The following RXRG variants were observed in gnomAD, a reference collection of about 807,000 sequenced individuals.
RXRG encodes the protein retinoic acid receptor RXR-gamma.
RXRG carries 19 observed loss-of-function variants against 49.2 expected under a neutral mutation model. The ratio of observed to expected loss-of-function variants is 0.39; its 90% confidence interval spans 0.27 to 0.57. The LOEUF is 0.57. Ranked by LOEUF, RXRG falls within the 20% of genes least tolerant of loss-of-function variation. The pLI, the probability that RXRG is intolerant of heterozygous loss-of-function variation, is 0.64. For missense variants in RXRG, 452 were observed against 592.5 expected, an observed-to-expected ratio of 0.76 and a Z score of 2.46; for synonymous variants, 224 against 216.6, an observed-to-expected ratio of 1.03 and a Z score of -0.30.
chr1:165,410,820 A>G lies in RXRG; in HGVS notation c.795T>C (p.Pro265=), dbSNP rs760289007. 2 of 1,614,222 alleles carry G rather than the reference A, an allele frequency of 1.2e-6. No individual in the cohort carries two copies. The highest frequency in any genetic ancestry group is 1.7e-6 in the Non-Finnish European group (2 of 1,180,018). Residue 265 remains proline (P), a synonymous_variant, in exon 6 of 10, where the codon CCT becomes CCC. Coordinates refer to ENST00000359842, the MANE Select transcript of RXRG (RefSeq NM_006917.5). ...DMNMENSTND[P]VTNICHAADK... is the part of the protein sequence containing the mutation. Reference sequence around the variant, plus strand: ...CAGCAGCATGACATATGTTGGTAACAGGGTCATTTGTCTGAAAAAGGAACA... The same window carrying G: ...CAGCAGCATGACATATGTTGGTAACGGGGTCATTTGTCTGAAAAAGGAACA...
At chr1:165,402,415 T>C (rs1369654146) in intron 9 of RXRG, among the ~76,000 whole-genome samples, 1 of 148,626 alleles carries the variant, frequency 6.7e-6, no homozygotes, top group East Asian at 2.0e-4. Flanking sequence ...GATCAACTTA[T>C]TAGTCTATGC....
At position 165,410,754 on chromosome 1, in the gene RXRG, A is replaced by T. The variant is rs751771643; in HGVS notation, c.861T>A (p.Ile287=). The change falls in exon 6 of 10, where the codon ATT becomes ATA. Residue 287 remains isoleucine, a synonymous_variant. Coordinates refer to ENST00000359842, the MANE Select transcript of RXRG (RefSeq NM_006917.5). Reference sequence around the variant, plus strand: ...CCAAGGTGAGGTCAGAGAAGTGGGGAATACGCTTGGCCCATTCAACGAGGG... The same window carrying T: ...CCAAGGTGAGGTCAGAGAAGTGGGGTATACGCTTGGCCCATTCAACGAGGG... The part of the protein sequence containing the change: ...LFTLVEWAKR[I]PHFSDLTLED... The T allele has an allele frequency of 3.1e-6, 5 of 1,614,030 alleles. No homozygotes were observed. The highest frequency in any genetic ancestry group is 2.5e-6 in the Non-Finnish European group (3 of 1,180,028).
chr1:165,440,178 G>A (rs980652560), intron 1 of RXRG, among the ~76,000 whole-genome samples: 3 of 152,286 alleles, frequency 2.0e-5, no homozygotes, highest in Admixed American at 2.0e-4. Flanking sequence ...TGGTAGAGCT[G>A]GGATTAAAAT....
intron 9 of RXRG, among the ~76,000 whole-genome samples, chr1:165,404,488 C>T (rs1386853971): frequency 1.3e-5 from 2 of 152,140 alleles, no homozygotes; most frequent in African/African-American, 2.4e-5. Flanking sequence ...TGACTAAATA[C>T]ATTAGGATAT....
intron 2 of RXRG, among the ~76,000 whole-genome samples, chr1:165,421,284 T>A (rs896071202): frequency 2.0e-5 from 3 of 152,232 alleles, no homozygotes; most frequent in South Asian, 2.1e-4. Context: ...TGTTAATTTT[T>A]AAAAATTAAT....
chr1:165,435,836 T>G (rs1472270156), intron 1 of RXRG, among the ~76,000 whole-genome samples: 1 of 152,184 alleles, frequency 6.6e-6, no homozygotes, highest in African/African-American at 2.4e-5. Flanking sequence ...TTGGCACACT[T>G]TTTCTTTCCA....
intron 2 of RXRG, chr1:165,425,107 T>C (rs1260646029): frequency 5.4e-6 from 1 of 183,538 alleles, no homozygotes; most frequent in Non-Finnish European, 1.0e-5. Context: ...CCCCAATCCC[T>C]CTGTACAGAC....
chr1:165,423,646 G>A (rs969941153), intron 2 of RXRG, among the ~76,000 whole-genome samples: 1 of 140,656 alleles, frequency 7.1e-6, no homozygotes, highest in Non-Finnish European at 1.5e-5. Context: ...TCCTAATCAG[G>A]TCACTTCACT....
intron 1 of RXRG, among the ~76,000 whole-genome samples, chr1:165,432,262 G>A (rs1658694302): frequency 6.6e-6 from 1 of 152,098 alleles, no homozygotes. Flanking sequence ...GTTAAAGTTT[G>A]GTTCTCAATG....
intron 9 of RXRG, among the ~76,000 whole-genome samples, chr1:165,402,067 A>C (rs1657591665): frequency 6.6e-6 from 1 of 151,566 alleles, no homozygotes; most frequent in Admixed American, 6.6e-5. Context: ...TTTTGTTGCC[A>C]ATTTGTAACC....
chr1:165,436,966 A>G (rs1658834473), intron 1 of RXRG: 2 of 1,132,588 alleles, frequency 1.8e-6, no homozygotes, highest in South Asian at 4.0e-5. Context: ...AGCATTTACA[A>G]GATGTCAGAG....
In RXRG at chr1:165,407,012, C is replaced by A; in HGVS notation, c.1139-95G>T. On this transcript the variant is annotated intron_variant, in intron 8 of 9. Transcript: ENST00000359842. The stretch of plus-strand genomic sequence containing the variant: ...CCACTCTCTGTAGAGTTACTAGAGA[C>A]ACCCTGGATGGGGACAAGTGTGAAA... 5 of 812,832 alleles carry A rather than the reference C, an allele frequency of 6.2e-6. No homozygotes were observed. In the South Asian group the frequency reaches 7.7e-5, roughly 12 times the overall value. 50.4% of individuals were successfully genotyped at this position (812,832 alleles called of 1,614,324 possible).
intron 1 of RXRG, among the ~76,000 whole-genome samples, chr1:165,439,542 A>G (rs898626118): frequency 2.0e-5 from 3 of 152,234 alleles, no homozygotes; most frequent in African/African-American, 7.2e-5. Flanking sequence ...GCATGCTTTC[A>G]TTCTCACATT....
intron 1 of RXRG, among the ~76,000 whole-genome samples, chr1:165,437,975 A>G (rs1332676413): frequency 6.6e-6 from 1 of 152,242 alleles, no homozygotes; most frequent in Non-Finnish European, 1.5e-5. Context: ...GATCTATAAT[A>G]ATTTGCAGCA....
At chr1:165,429,845 TC>T (rs944121439) in intron 1 of RXRG, among the ~76,000 whole-genome samples, 1 of 151,882 alleles carries the variant, frequency 6.6e-6, no homozygotes, top group Non-Finnish European at 1.5e-5. Flanking sequence ...GAACCCACAT[TC>T]CCCTGTAGTC....
intron 1 of RXRG, among the ~76,000 whole-genome samples, chr1:165,441,259 T>C (rs750187287): frequency 6.6e-6 from 1 of 152,256 alleles, no homozygotes; most frequent in Non-Finnish European, 1.5e-5. Flanking sequence ...CCATGGCTTA[T>C]TCCTCAATGG....
chr1:165,423,907 C>A (rs761891420), intron 2 of RXRG, among the ~76,000 whole-genome samples: 4 of 152,052 alleles, frequency 2.6e-5, no homozygotes, highest in Non-Finnish European at 4.4e-5. Context: ...TATTTATTTT[C>A]TATGAAAATG....
chr1:165,401,523 C>A, intron 9 of RXRG, 113 bp from the exon 10 acceptor site: 1 of 1,166,074 alleles, frequency 8.6e-7, no homozygotes, highest in South Asian at 1.3e-5. Flanking sequence ...GATAAAAGAG[C>A]TGGAAGGGTA....
Position 165,408,366 on chromosome 1 carries a change from C to T in RXRG, c.1047-48G>A, listed in dbSNP as rs116521297. ...TAATGAGAAAACCGTAAGTAACAGG[C>T]CAAGAGCCAATAAAATGAATTCAAC... On this transcript the variant is annotated intron_variant, in intron 7 of 9. Coordinates refer to ENST00000359842, the MANE Select transcript of RXRG (RefSeq NM_006917.5). The T allele has an allele frequency of 3.0e-3, 4,131 of 1,380,730 alleles. 114 individuals are homozygous for T. The African/African-American group carries it at 0.051, about 17-fold the overall frequency. 85.5% of individuals were successfully genotyped at this position (1,380,730 alleles called of 1,614,324 possible).
Sources: gnomAD v4.1 joint callset for allele counts (sites outside exome capture counted in the v4.1 genomes callset) on GRCh38, gnomAD v4.1.1 for gene constraint, MANE v1.5 for transcripts, NCBI Gene and HGNC (gene_info 2026-07-23, HGNC 2026-07-21) for gene names.